The following SEZ6L variants were observed in gnomAD, a reference collection of about 807,000 sequenced individuals.
SEZ6L encodes seizure 6-like protein.
In SEZ6L, 37 loss-of-function variants were observed where a neutral mutation model predicts 106.2. That is an observed-to-expected ratio of 0.35 (90% CI 0.27 to 0.46). The LOEUF is 0.46. SEZ6L is among the 20% of genes least tolerant of loss of function. SEZ6L has a pLI of 1.00. For synonymous variants in SEZ6L, 541 were observed against 570.4 expected (o/e 0.95, Z 0.73); for missense variants, 1,172 against 1,332.8 (o/e 0.88, Z 1.88).
intron 1 of SEZ6L, among the ~76,000 whole-genome samples, chr22:26,266,805 A>G (rs1464049801): frequency 6.6e-6 from 1 of 151,910 alleles, no homozygotes; most frequent in Non-Finnish European, 1.5e-5. Flanking sequence ...TGGCAAGCAG[A>G]GTAGAGGCTC....
chr22:26,261,502 T>C (rs1185558944), intron 1 of SEZ6L, among the ~76,000 whole-genome samples: 3 of 152,216 alleles, frequency 2.0e-5, no homozygotes, highest in Non-Finnish European at 2.9e-5. Flanking sequence ...CTTTCCCCAC[T>C]TTATGTCTTT....
At chr22:26,365,602 G>A (rs937559504) in intron 13 of SEZ6L, 36 bp downstream of exon 13, 4 of 1,563,956 alleles carry the variant, frequency 2.6e-6, no homozygotes, top group South Asian at 1.1e-5. Flanking sequence ...GGTCCACGGG[G>A]CCTGGAGATG....
At chr22:26,282,395 C>A (rs1222447963) in intron 1 of SEZ6L, among the ~76,000 whole-genome samples, 1 of 152,206 alleles carries the variant, frequency 6.6e-6, no homozygotes, top group Non-Finnish European at 1.5e-5. Context: ...CATGACCAGG[C>A]AGCCTGTTTA....
chr22:26,244,460 G>T (rs1176630004), intron 1 of SEZ6L: 1 of 152,374 alleles, frequency 6.6e-6, no homozygotes, highest in African/African-American at 2.4e-5. Flanking sequence ...AGAGAGAAAG[G>T]TGCTCTCTGC....
intron 12 of SEZ6L, among the ~76,000 whole-genome samples, chr22:26,358,890 G>C (rs2083523567): frequency 6.6e-6 from 1 of 152,136 alleles, no homozygotes; most frequent in African/African-American, 2.4e-5. Flanking sequence ...CAGTGCCCAG[G>C]ACAGCCCCCA....
intron 1 of SEZ6L, among the ~76,000 whole-genome samples, chr22:26,202,562 A>G (rs1941029761): frequency 6.6e-6 from 1 of 152,242 alleles, no homozygotes; most frequent in South Asian, 2.1e-4. Context: ...CAGGCACAGA[A>G]TCCTAAGCTA....
At chr22:26,369,264 TG>T (rs1170843522) in intron 13 of SEZ6L, among the ~76,000 whole-genome samples, 2 of 150,832 alleles carry the variant, frequency 1.3e-5, no homozygotes, top group South Asian at 2.1e-4. Flanking sequence ...AACACTAGCA[TG>T]AGGGTTGCAA....
At chr22:26,282,454 A>G (rs1449926082) in intron 1 of SEZ6L, among the ~76,000 whole-genome samples, 2 of 152,198 alleles carry the variant, frequency 1.3e-5, no homozygotes, top group African/African-American at 2.4e-5. Context: ...TTCTCAGGCC[A>G]TTGAACCCAG....
At chr22:26,295,776 A>G (rs149674265) in intron 3 of SEZ6L, among the ~76,000 whole-genome samples, 3 of 152,176 alleles carry the variant, frequency 2.0e-5, no homozygotes, top group African/African-American at 7.2e-5. Flanking sequence ...TGATGTAAAA[A>G]ACTGATGCAA....
intron 10 of SEZ6L, among the ~76,000 whole-genome samples, chr22:26,343,021 G>C (rs567322257): frequency 9.2e-5 from 14 of 152,240 alleles, no homozygotes; most frequent in African/African-American, 3.1e-4. Context: ...ATGTTTCCCA[G>C]GGGCCTTTTA....
Position 26,245,624 on chromosome 22 carries a change from A to G in SEZ6L, c.95-46782A>G, listed in dbSNP as rs184589353. 3.3e-5 allele frequency among the ~76,000 whole-genome samples: 5 copies of G among 152,262 alleles called. No homozygotes were observed. In the East Asian group the frequency reaches 9.7e-4, roughly 29 times the overall value. On this transcript the variant is annotated intron_variant, in intron 1 of 16. Coordinates refer to ENST00000248933, the MANE Select transcript of SEZ6L (RefSeq NM_021115.5). ...CCTGGGTCAGGGTAAGCAGGTCAAA[A>G]TGCTAGCAGTTATTGTTATTTGGCA...
At chr22:26,272,211 A>G (rs2080390930) in intron 1 of SEZ6L, among the ~76,000 whole-genome samples, 1 of 152,234 alleles carries the variant, frequency 6.6e-6, no homozygotes, top group South Asian at 2.1e-4. Flanking sequence ...AATGTTTTGC[A>G]TATTTATCTG....
chr22:26,367,788 T>TA (rs998300743), intron 13 of SEZ6L, among the ~76,000 whole-genome samples: 1 of 152,160 alleles, frequency 6.6e-6, no homozygotes, highest in African/African-American at 2.4e-5. Context: ...CTGCAAACCC[T>TA]AATACTCTTA....
intron 1 of SEZ6L, among the ~76,000 whole-genome samples, chr22:26,173,768 A>C (rs947760023): frequency 3.3e-4 from 50 of 152,192 alleles, no homozygotes; most frequent in Admixed American, 3.1e-3. Context: ...AGTGTCTGTC[A>C]TCTCTCTTTC....
At chr22:26,235,887 A>C (rs960409745) in intron 1 of SEZ6L, among the ~76,000 whole-genome samples, 1 of 152,220 alleles carries the variant, frequency 6.6e-6, no homozygotes, top group African/African-American at 2.4e-5. Context: ...ATATGATCAG[A>C]TCAAGTAAGA....
At chr22:26,337,014 C>A (rs971862653) in intron 9 of SEZ6L, among the ~76,000 whole-genome samples, 10 of 152,156 alleles carry the variant, frequency 6.6e-5, no homozygotes, top group African/African-American at 2.4e-4. Flanking sequence ...ACATAACATT[C>A]AAATGACATC....
intron 16 of SEZ6L, 26 bp from the exon 17 acceptor site, chr22:26,380,240 C>T: frequency 1.2e-6 from 2 of 1,612,548 alleles, no homozygotes; most frequent in Non-Finnish European, 1.7e-6. Context: ...AAGCGTTTGA[C>T]AAATCCGTGC....
At chr22:26,302,814 A>G (rs2081497337) in intron 5 of SEZ6L, among the ~76,000 whole-genome samples, 1 of 152,244 alleles carries the variant, frequency 6.6e-6, no homozygotes, top group Non-Finnish European at 1.5e-5. Context: ...AAACAGAGCC[A>G]TCAGTTGGCT....
chr22:26,244,453 G>A (rs1161307214), intron 1 of SEZ6L: 1 of 152,314 alleles, frequency 6.6e-6, no homozygotes, highest in East Asian at 1.9e-4. Context: ...CCCAAGGAGA[G>A]AGAAAGGTGC....
Sources: gnomAD v4.1 joint callset for allele counts (sites outside exome capture counted in the v4.1 genomes callset) on GRCh38, gnomAD v4.1.1 for gene constraint, MANE v1.5 for transcripts, NCBI Gene and HGNC (gene_info 2026-07-23, HGNC 2026-07-21) for gene names.